Variants in DOCK2 observed in about 807,000 individuals in gnomAD.
DOCK2 encodes the protein dedicator of cytokinesis protein 2.
Under a neutral mutation model 248.9 loss-of-function variants are expected in DOCK2, and 87 were observed. The ratio of observed to expected loss-of-function variants is 0.35; its 90% CI spans 0.29 to 0.42. The LOEUF (loss-of-function observed/expected upper bound fraction) is 0.42, where lower values mean the gene tolerates loss of function less well. DOCK2 is among the 10% of genes least tolerant of loss of function. The pLI, the probability that DOCK2 is intolerant of heterozygous loss-of-function variation, is 1.00. For missense variants in DOCK2, 1,747 were observed against 2,300.2 expected, an observed-to-expected ratio of 0.76 and a Z score of 4.92; for synonymous variants, 805 against 821.6, an observed-to-expected ratio of 0.98 and a Z score of 0.35.
chr5:169,676,556 G>C (rs115107968), intron 6 of DOCK2, among the ~76,000 whole-genome samples: 10 of 152,266 alleles, frequency 6.6e-5, no homozygotes, highest in African/African-American at 2.2e-4. Flanking sequence ...AGCTGCAAGC[G>C]AGAGAGTTGG....
intron 1 of DOCK2, among the ~76,000 whole-genome samples, chr5:169,640,638 A>G (rs1757097823): frequency 2.0e-5 from 3 of 152,190 alleles, no homozygotes; most frequent in Non-Finnish European, 4.4e-5. Flanking sequence ...AAACTGTGGG[A>G]AGGGAAATAT....
chr5:169,809,776 T>C (rs1351532050), intron 26 of DOCK2, among the ~76,000 whole-genome samples: 1 of 152,246 alleles, frequency 6.6e-6, no homozygotes, highest in Non-Finnish European at 1.5e-5. Context: ...AGTTCCTCAC[T>C]TGTGCAGCAC....
intron 1 of DOCK2, 143 bp downstream of exon 1, chr5:169,637,512 C>G (rs1411177228): frequency 9.9e-7 from 1 of 1,006,120 alleles, no homozygotes; most frequent in Non-Finnish European, 1.3e-6. Context: ...GGCGGGGCCT[C>G]GGGGCGGGAA....
intron 27 of DOCK2, among the ~76,000 whole-genome samples, chr5:169,968,757 T>A (rs534092314): frequency 1.3e-5 from 2 of 152,218 alleles, no homozygotes; most frequent in South Asian, 4.1e-4. Flanking sequence ...GTGTTAATGG[T>A]GATGAGCAAA....
intron 1 of DOCK2, among the ~76,000 whole-genome samples, chr5:169,650,460 G>C (rs377633543): frequency 6.6e-6 from 1 of 152,184 alleles, no homozygotes; most frequent in South Asian, 2.1e-4. Context: ...ACAAAGCACA[G>C]AGACCCTTCT....
chr5:170,039,428 C>T (rs560410244), intron 36 of DOCK2, among the ~76,000 whole-genome samples: 2 of 152,268 alleles, frequency 1.3e-5, no homozygotes, highest in South Asian at 4.1e-4. Context: ...GACTCTAATC[C>T]CAAACCCTGA....
intron 8 of DOCK2, among the ~76,000 whole-genome samples, chr5:169,686,609 A>T (rs1431477752): frequency 1.3e-5 from 2 of 152,012 alleles, no homozygotes; most frequent in Non-Finnish European, 2.9e-5. Context: ...TGTCAGTCTC[A>T]CTCTGAAGAG....
intron 22 of DOCK2, among the ~76,000 whole-genome samples, chr5:169,722,175 C>T (rs1481925397): frequency 6.6e-6 from 1 of 152,186 alleles, no homozygotes; most frequent in African/African-American, 2.4e-5. Context: ...TTCTACGATT[C>T]AGCTTCTTTA....
chr5:169,754,755 A>G (rs1364855997), intron 23 of DOCK2, among the ~76,000 whole-genome samples: 2 of 152,084 alleles, frequency 1.3e-5, no homozygotes, highest in Non-Finnish European at 2.9e-5. Context: ...CATTAGCTAC[A>G]TGGCTTCTGG....
intron 1 of DOCK2, among the ~76,000 whole-genome samples, chr5:169,646,413 G>T (rs1464119316): frequency 6.6e-6 from 1 of 152,174 alleles, no homozygotes; most frequent in Non-Finnish European, 1.5e-5. Flanking sequence ...CATTTTGCAG[G>T]TGAGGAAACT....
At chr5:169,735,544 T>C (rs1282124034) in intron 22 of DOCK2, among the ~76,000 whole-genome samples, 2 of 152,372 alleles carry the variant, frequency 1.3e-5, no homozygotes, top group East Asian at 3.9e-4. Context: ...ACGTATTTTG[T>C]GTTTGAAGTA....
At chr5:169,998,847 A>G (rs1238303938) in intron 30 of DOCK2, among the ~76,000 whole-genome samples, 2 of 152,288 alleles carry the variant, frequency 1.3e-5, no homozygotes, top group Non-Finnish European at 2.9e-5. Flanking sequence ...ATATCTCTTT[A>G]GCTGGTTTGA....
intron 40 of DOCK2, 21 bp downstream of exon 40, chr5:170,047,635 G>A: frequency 6.2e-7 from 1 of 1,609,072 alleles, no homozygotes; most frequent in Non-Finnish European, 8.5e-7. Flanking sequence ...GGGTGACTTG[G>A]ACACCAGGCG....
intron 27 of DOCK2, among the ~76,000 whole-genome samples, chr5:169,943,712 C>T (rs536392662): frequency 6.6e-6 from 1 of 152,286 alleles, no homozygotes; most frequent in East Asian, 1.9e-4. Context: ...TCAGCATCAC[C>T]TGGGAGCTTG....
intron 25 of DOCK2, chr5:169,773,091 C>T (rs1158008574): frequency 6.6e-6 from 1 of 152,212 alleles, no homozygotes; most frequent in Non-Finnish European, 1.5e-5. Flanking sequence ...ACGTCCCTTC[C>T]ACACTCTGGA....
intron 2 of DOCK2, among the ~76,000 whole-genome samples, chr5:169,658,610 A>T (rs1309785890): frequency 1.3e-5 from 2 of 152,080 alleles, no homozygotes; most frequent in African/African-American, 4.8e-5. Flanking sequence ...ATATAAACGA[A>T]GAGTTGACTG....
At chr5:169,850,312 G>A (rs1770557296) in intron 27 of DOCK2, among the ~76,000 whole-genome samples, 1 of 152,200 alleles carries the variant, frequency 6.6e-6, no homozygotes, top group Non-Finnish European at 1.5e-5. Flanking sequence ...GAAGGAGGAA[G>A]CTAGGATTTG....
chr5:169,902,975 G>A (rs1298273711), intron 27 of DOCK2, among the ~76,000 whole-genome samples: 7 of 152,140 alleles, frequency 4.6e-5, no homozygotes, highest in Non-Finnish European at 8.8e-5. Context: ...GCACATGCCT[G>A]TAGTCCCAGC....
At chr5:169,871,341 G>A (rs563626387) in intron 27 of DOCK2, among the ~76,000 whole-genome samples, 2 of 152,240 alleles carry the variant, frequency 1.3e-5, no homozygotes, top group South Asian at 2.1e-4. Context: ...GAGTACCTGG[G>A]CCACATTAGA....
Sources: gnomAD v4.1 joint callset for allele counts (sites outside exome capture counted in the v4.1 genomes callset) on GRCh38, gnomAD v4.1.1 for gene constraint, MANE v1.5 for transcripts, NCBI Gene and HGNC (gene_info 2026-07-23, HGNC 2026-07-21) for gene names.